Variants in MFRP observed in about 807,000 individuals in gnomAD.
The protein encoded by MFRP is C1q and TNF related 5.
In MFRP, 74 loss-of-function variants were observed where a neutral mutation model predicts 65.8. The ratio of observed to expected loss-of-function variants is 1.12; its 90% CI spans 0.93 to 1.36. The LOEUF is 1.36. Ranked by LOEUF, MFRP falls within the 40% of genes most tolerant of loss-of-function variation. The probability of loss-of-function intolerance (pLI) is 0.00; values close to 1 mark genes in which losing one functional copy is unlikely to be tolerated. For synonymous variants in MFRP, 336 were observed against 288.3 expected (o/e 1.17, Z -1.68); for missense variants, 838 against 736.0 (o/e 1.14, Z -1.60).
At chr11:119,344,460 A>G (rs1950538019) in intron 7 of MFRP, 69 bp from the exon 8 acceptor site, 1 of 1,555,644 alleles carries the variant, frequency 6.4e-7, no homozygotes, top group Admixed American at 1.8e-5. Context: ...GCTGGCGGTG[A>G]TTACAGAGCG....
intron 6 of MFRP, 28 bp downstream of exon 6, chr11:119,344,846 C>A (rs1950543621): frequency 6.2e-7 from 1 of 1,613,380 alleles, no homozygotes; most frequent in South Asian, 1.1e-5. Context: ...AAAGTGGACA[C>A]TCAACAGGCA....
intron 8 of MFRP, 121 bp downstream of exon 8, chr11:119,344,194 C>T: frequency 9.2e-7 from 1 of 1,084,828 alleles, no homozygotes. Flanking sequence ...CCCCCGTCTG[C>T]TTGATCTCTG....
chr11:119,343,619 C>A (rs1950525968), intron 9 of MFRP, among the ~76,000 whole-genome samples, 197 bp downstream of exon 9: 1 of 152,136 alleles, frequency 6.6e-6, no homozygotes, highest in South Asian at 2.1e-4. Context: ...TGGGGAAGGA[C>A]CTCCTGGGGA....
At position 119,341,854 on chromosome 11, in the gene MFRP, G is replaced by T. The variant is rs1409892839; in HGVS notation, c.1515+3C>A. On this transcript the variant is annotated splice_donor_region_variant and intron_variant, in intron 12 of 14. Coordinates refer to ENST00000619721, the MANE Select transcript of MFRP (RefSeq NM_031433.4). The stretch of plus-strand genomic sequence containing the variant: ...CCGCCCTCCTTCCCTCCACCCAGAA[G>T]ACCTTGTAACCGCTGAGGACCTCTA... 1.2e-6 allele frequency: 2 copies of T among 1,611,388 alleles called. No homozygotes were observed. Among genetic ancestry groups the T allele is most frequent in the African/African-American group, 2.7e-5 (2 of 74,854 alleles).
intron 14 of MFRP, 23 bp downstream of exon 14, chr11:119,340,161 T>C (rs1435374965): frequency 3.3e-6 from 5 of 1,507,258 alleles, no homozygotes; most frequent in Non-Finnish European, 3.5e-6. Context: ...TCGCCACCGA[T>C]AGCCGCGGCG....
rs765380784 is a variant in MFRP, at chr11:119,345,583, A to G, written c.478T>C (p.Tyr160His). 6.2e-7 allele frequency: 1 copy of G among 1,613,862 alleles called. No individual in the cohort carries two copies. Among genetic ancestry groups the G allele is most frequent in the Non-Finnish European group, 8.5e-7 (1 of 1,179,990 alleles). The stretch of plus-strand genomic sequence containing the variant: ...GTGTTGGGGGGGTAAGGGTCTGGGT[A>G]GTTAGGGCTGCTGAAGAAGCCCCTT... ...GPRGFFSSPN[Y>H]PDPYPPNTHC... The change falls in exon 5 of 15, where the codon TAC becomes CAC. Residue 160 changes from tyrosine (Y) to histidine (H), a missense_variant. Tyr to His is a moderately conservative substitution (Grantham distance 83). Transcript: ENST00000619721.
Position 119,341,427 on chromosome 11 carries a change from T to TG in MFRP, c.*120dup. 1 of 814,960 alleles carries TG rather than the reference T, an allele frequency of 1.2e-6. No individual in the cohort carries two copies. The highest frequency in any genetic ancestry group is 2.5e-5 in the Admixed American group (1 of 39,296). 50.5% of individuals were successfully genotyped at this position (814,960 alleles called of 1,614,324 possible). ...GCTGAGGACTTCTCTTCCCCCTCCC[T>TG]GGGAGCCCCAGAGAAGGATGGGTAG... On this transcript the variant is annotated 3_prime_UTR_variant, in exon 13 of 15. Transcript: ENST00000619721.
intron 13 of MFRP, 101 bp from the exon 14 acceptor site, chr11:119,340,541 C>T: frequency 1.2e-6 from 1 of 866,558 alleles, no homozygotes; most frequent in South Asian, 1.7e-5. Flanking sequence ...ACTGCCGTGC[C>T]CCTGAGGCTG....
intron 5 of MFRP, 132 bp from the exon 6 acceptor site, chr11:119,345,136 G>T: frequency 8.2e-7 from 1 of 1,217,412 alleles, no homozygotes; most frequent in Non-Finnish European, 1.2e-6. Flanking sequence ...AGGCTCCTCT[G>T]ATGTCCCAGG....
chr11:119,345,313 C>T (rs1013501734), intron 5 of MFRP, 107 bp downstream of exon 5: 5 of 1,176,652 alleles, frequency 4.2e-6, no homozygotes, highest in Non-Finnish European at 6.2e-6. Flanking sequence ...GAGGTCTAGT[C>T]TCTCAATTTC....
rs767870051 is a variant in MFRP at position 119,341,738 on chromosome 11, C to T, written c.1550G>A (p.Arg517Gln). Reference protein sequence around the residue: ...LTSLPCYQHFRRLLCGLLVPR... With the variant: ...LTSLPCYQHFQRLLCGLLVPR... ...CACAAGCAGCCCACACAGGAGCCTC[C>T]GGAAATGCTGGTAGCAGGGCAGGCT... Residue 517 changes from arginine (R) to glutamine (Q), a missense_variant, in exon 13 of 15, where the codon CGG (arginine) becomes CAG (glutamine). Transcript: ENST00000619721. 73 of 1,613,266 alleles carry T rather than the reference C, an allele frequency of 4.5e-5. No individual in the cohort carries two copies. Among genetic ancestry groups the T allele is most frequent in the South Asian group, 2.2e-4 (20 of 91,092 alleles).
rs1950502848 is a variant in MFRP at position 119,341,571 on chromosome 11, G to A, written c.1717C>T (p.Leu573=). The change falls in exon 13 of 15, where the codon CTG becomes TTG. Residue 573 remains leucine (L), a synonymous_variant. Coordinates refer to ENST00000619721, the MANE Select transcript of MFRP (RefSeq NM_031433.4). ...NCNRLPEAAD[L]EACAQP ...GGTCAGGGCTGGGCACAAGCTTCCA[G>A]GTCAGCTGCCTCTGGCAGCCTGTTG... 1 of 1,612,642 alleles carries A rather than the reference G, an allele frequency of 6.2e-7. No homozygotes were observed. Among genetic ancestry groups the A allele is most frequent in the Admixed American group, 1.7e-5 (1 of 60,014 alleles).
Position 119,339,529 on chromosome 11 carries a change from G to GA in MFRP, c.*1429dup. 6.2e-7 allele frequency: 1 copy of GA among 1,613,668 alleles called. No individual in the cohort carries two copies. Among genetic ancestry groups the GA allele is most frequent in the Non-Finnish European group, 8.5e-7 (1 of 1,180,032 alleles). On this transcript the variant is annotated 3_prime_UTR_variant, in exon 15 of 15. Coordinates refer to ENST00000619721, the MANE Select transcript of MFRP (RefSeq NM_031433.4). This position sits in a 1 kb window ranked among gnomAD's most constrained non-coding sequence, Gnocchi z 5.4. ...TGGGCCACCCCCCGAAAAACTGGAA[G>GA]AAAGAGGCAATGGATTCGCCATTCT...
intron 6 of MFRP, 28 bp downstream of exon 6, chr11:119,344,846 C>G (rs1950543621): frequency 6.2e-7 from 1 of 1,613,498 alleles, no homozygotes. Flanking sequence ...AAAGTGGACA[C>G]TCAACAGGCA....
Position 119,345,893 on chromosome 11 carries a change from T to A in MFRP, c.307A>T (p.Ser103Cys), listed in dbSNP as rs1272265647. ...QAAPPSGASHSPLPAGGLTTT... is the reference protein window; with the variant it reads ...QAAPPSGASHCPLPAGGLTTT... ...GTAAGGCCTCCGGCAGGCAGTGGGCTATGGGACGCCCCAGATGGGGGTGCA... is the reference window on the plus strand; with the variant it reads ...GTAAGGCCTCCGGCAGGCAGTGGGCAATGGGACGCCCCAGATGGGGGTGCA... Residue 103 changes from serine to cysteine, a missense_variant, in exon 4 of 15, where the codon AGC becomes TGC. Transcript: ENST00000619721. 1 of 1,613,604 alleles carries A rather than the reference T, an allele frequency of 6.2e-7. No homozygotes were observed. Among genetic ancestry groups the A allele is most frequent in the Non-Finnish European group, 8.5e-7 (1 of 1,179,778 alleles).
rs113098288 is a variant in MFRP at position 119,343,682 on chromosome 11, G to A, written c.1124+134C>T. ...AGGTGAGAGCTGTCTTTAGGGTGAT[G>A]GTGAAGAGACCCCCGGCCTGGAGTA... is the stretch of plus-strand genomic sequence containing the variant. On this transcript the variant is annotated intron_variant, in intron 9 of 14. Transcript: ENST00000619721. 4.8e-3 allele frequency: 5,381 copies of A among 1,119,650 alleles called. 144 individuals carry two copies. In the African/African-American group the frequency reaches 0.059, roughly 12 times the overall value. 69.4% of individuals were successfully genotyped at this position (1,119,650 alleles called of 1,614,324 possible). A position where few individuals can be genotyped will look rare whatever the true frequency, so the allele number is the denominator to read the frequency against.
Position 119,339,938 on chromosome 11 carries a change from C to A in MFRP, c.*1111-90G>T. On this transcript the variant is annotated intron_variant, in intron 14 of 14. Transcript: ENST00000619721. The surrounding 1 kb of genome is among the most constrained non-coding windows in gnomAD (Gnocchi z 5.4). ...TCTAAGGTCACCGTACCCCTCCCCG[C>A]CCCTGCCTGAGCTTCGGCCAGCGCC... The A allele has an allele frequency of 7.2e-7, 1 of 1,397,408 alleles. No homozygotes were observed. Among genetic ancestry groups the A allele is most frequent in the Non-Finnish European group, 9.3e-7 (1 of 1,076,114 alleles). 86.6% of individuals were successfully genotyped at this position (1,397,408 alleles called of 1,614,324 possible). A position where few individuals can be genotyped will look rare whatever the true frequency, so the allele number is the denominator to read the frequency against.
In MFRP at chr11:119,340,706, G is replaced by A. The variant is rs1950494768; in HGVS notation, c.*842C>T. 4 of 411,446 alleles carry A rather than the reference G, an allele frequency of 9.7e-6. No individual in the cohort carries two copies. The highest frequency in any genetic ancestry group is 2.2e-5 in the African/African-American group (1 of 46,286). The allele number at this position is 411,446 out of a possible 1,614,324, so 25.5% of individuals were successfully genotyped here. ...TCCGCCAGACTCACCCCCCCTCCCGGCTCCCCGATGGCCTCCTTCGGGGCG... is the reference window on the plus strand; with the variant it reads ...TCCGCCAGACTCACCCCCCCTCCCGACTCCCCGATGGCCTCCTTCGGGGCG... On this transcript the variant is annotated 3_prime_UTR_variant, in exon 13 of 15. Coordinates refer to ENST00000619721, the MANE Select transcript of MFRP (RefSeq NM_031433.4).
rs1473643829 is a variant in MFRP, at chr11:119,341,966, A to G, written c.1406T>C (p.Val469Ala). 1.2e-5 allele frequency: 19 copies of G among 1,613,756 alleles called. No individual in the cohort carries two copies. Among genetic ancestry groups the G allele is most frequent in the Non-Finnish European group, 1.5e-5 (18 of 1,180,016 alleles). The change falls in exon 12 of 15, where the codon GTC (valine) becomes GCC (alanine). Residue 469 changes from valine to alanine, a missense_variant. Physicochemically the swap from Val to Ala is moderately conservative, Grantham distance 64. Transcript: ENST00000619721. ...CAGACCGAGGCACATCTCCACCTGG[A>G]CAGGCTCACAGGCCAGCTCTGCAGG... ...FPPPELACEP[V>A]QVEMCLGLSY...
Sources: allele counts gnomAD v4.1 joint callset (sites outside exome capture counted in the v4.1 genomes callset), GRCh38; gene constraint gnomAD v4.1.1; non-coding constraint Gnocchi (gnomAD v3.1); transcripts MANE v1.5; gene names NCBI Gene and HGNC (gene_info 2026-07-23, HGNC 2026-07-21).